The following RGS12 variants were observed in gnomAD, a reference collection of about 807,000 sequenced individuals.
RGS12 encodes regulator of G protein signaling 12.
A neutral mutation model predicts 120.1 loss-of-function variants in RGS12; 66 were observed. The observed-to-expected ratio is 0.55, with a 90% CI of 0.45 to 0.67. RGS12 has a LOEUF of 0.67. Ranked by LOEUF, RGS12 falls within the 30% of genes least tolerant of loss-of-function variation. RGS12 has a pLI of 0.00. For missense variants in RGS12, 1,859 were observed against 1,957.7 expected, an observed-to-expected ratio of 0.95 and a Z score of 0.95; for synonymous variants, 827 against 804.7, an observed-to-expected ratio of 1.03 and a Z score of -0.47.
chr4:3,429,048 C>G (rs1723970363), intron 16 of RGS12, among the ~76,000 whole-genome samples: 1 of 152,234 alleles, frequency 6.6e-6, no homozygotes, highest in Non-Finnish European at 1.5e-5. Context: ...GCCAGGGTCC[C>G]CAGCGTGACT....
chr4:3,398,367 A>G (rs1250944456), intron 4 of RGS12, among the ~76,000 whole-genome samples: 1 of 152,172 alleles, frequency 6.6e-6, no homozygotes, highest in Non-Finnish European at 1.5e-5. Context: ...CTATAATCCT[A>G]GCTGTGGATT....
intron 11 of RGS12, 59 bp downstream of exon 11, chr4:3,422,629 C>T (rs1260057178): frequency 1.3e-6 from 2 of 1,537,472 alleles, no homozygotes; most frequent in East Asian, 2.3e-5. Flanking sequence ...CGCTCCCTGG[C>T]CCCCAGCTTT....
chr4:3,405,425 G>A (rs1721003871), intron 4 of RGS12, among the ~76,000 whole-genome samples: 1 of 152,132 alleles, frequency 6.6e-6, no homozygotes, highest in Non-Finnish European at 1.5e-5. Flanking sequence ...CCAAACTGAG[G>A]GGCAGTCTTA....
Position 3,433,229 on chromosome 4 carries a change from C to T in RGS12, c.4114+2274C>T, listed in dbSNP as rs544478321. ...CGTTGACAGTTGCTGTGGGATGCTTCCTCACAATGTGGCAGCCGCCCTGGA... is the reference window on the plus strand; with the variant it reads ...CGTTGACAGTTGCTGTGGGATGCTTTCTCACAATGTGGCAGCCGCCCTGGA... On this transcript the variant is annotated intron_variant, in intron 17 of 17. Coordinates refer to ENST00000336727, the MANE Select transcript of RGS12 (RefSeq NM_001394154.1). The surrounding 1 kb of genome is among the most constrained non-coding windows in gnomAD (Gnocchi z 4.4). Among the ~76,000 whole-genome samples, 1 of 152,340 alleles carries T rather than the reference C, an allele frequency of 6.6e-6. No homozygotes were observed. The highest frequency in any genetic ancestry group is 6.5e-5 in the Admixed American group (1 of 15,312).
intron 17 of RGS12, chr4:3,432,233 T>A (rs1724377415): frequency 1.1e-6 from 1 of 907,552 alleles, no homozygotes; most frequent in South Asian, 5.1e-5. Flanking sequence ...TAGAAAATAA[T>A]AAAAGTATTT....
intron 3 of RGS12, among the ~76,000 whole-genome samples, chr4:3,371,252 C>T (rs1716952505): frequency 6.6e-6 from 1 of 152,192 alleles, no homozygotes; most frequent in South Asian, 2.1e-4. Flanking sequence ...GGGAGCAGCT[C>T]TGGTCTTCTT....
rs1442765264 is a variant in RGS12 at position 3,372,222 on chromosome 4, G to T, written c.1999-14194G>T. Reference sequence around the variant, plus strand: ...TGGTCTGTCTGCGCACCCCTCCCAGGGTGCCCTGCTGTGGGGTGGCCGCTC... The same window carrying T: ...TGGTCTGTCTGCGCACCCCTCCCAGTGTGCCCTGCTGTGGGGTGGCCGCTC... On this transcript the variant is annotated intron_variant, in intron 3 of 17. Coordinates refer to ENST00000336727, the MANE Select transcript of RGS12 (RefSeq NM_001394154.1). This position sits in a 1 kb window ranked among gnomAD's most constrained non-coding sequence, Gnocchi z 4.3. Among the ~76,000 whole-genome samples the T allele has an allele frequency of 6.6e-6, 1 of 152,094 alleles. No individual in the cohort carries two copies. The highest frequency in any genetic ancestry group is 1.9e-4 in the East Asian group (1 of 5,178).
intron 3 of RGS12, among the ~76,000 whole-genome samples, chr4:3,377,582 G>A (rs1000961348): frequency 6.6e-6 from 1 of 152,070 alleles, no homozygotes; most frequent in African/African-American, 2.4e-5. Context: ...AATAGAATTT[G>A]GAAATTATGT....
At chr4:3,297,749 C>G (rs1486711512) in intron 1 of RGS12, among the ~76,000 whole-genome samples, 1 of 152,204 alleles carries the variant, frequency 6.6e-6, no homozygotes, top group African/African-American at 2.4e-5. Context: ...GCCCTGGTCT[C>G]CAGGAGACCT....
chr4:3,416,432 C>T (rs913874395), intron 7 of RGS12, among the ~76,000 whole-genome samples: 2 of 152,172 alleles, frequency 1.3e-5, no homozygotes, highest in African/African-American at 4.8e-5. Flanking sequence ...GGGGATGGCG[C>T]ATCTGCGTTT....
At chr4:3,413,840 A>ACG in intron 4 of RGS12, 1 of 515,906 alleles carries the variant, frequency 1.9e-6, no homozygotes, top group East Asian at 2.9e-5. Context: ...GTGCTCGTGC[A>ACG]CACACATGTG....
chr4:3,329,141 G>A (rs1305609399), intron 2 of RGS12, among the ~76,000 whole-genome samples: 1 of 152,182 alleles, frequency 6.6e-6, no homozygotes, highest in Non-Finnish European at 1.5e-5. Flanking sequence ...TGTGAGAAAT[G>A]CCTGAGCTGT....
At chr4:3,383,102 G>A (rs1718437851) in intron 3 of RGS12, among the ~76,000 whole-genome samples, 2 of 152,040 alleles carry the variant, frequency 1.3e-5, no homozygotes, top group Non-Finnish European at 2.9e-5. Context: ...TTCCAGGAGT[G>A]TTGCACCTAG....
intron 4 of RGS12, among the ~76,000 whole-genome samples, chr4:3,411,919 C>T (rs1413261152): frequency 3.3e-5 from 5 of 152,370 alleles, no homozygotes; most frequent in African/African-American, 4.8e-5. Flanking sequence ...CCCCTTCCAC[C>T]GCAGCTCGGA....
intron 17 of RGS12, among the ~76,000 whole-genome samples, chr4:3,437,573 CTGTCCCCT>C (rs1724932438): frequency 6.6e-6 from 1 of 152,208 alleles, no homozygotes; most frequent in South Asian, 2.1e-4. Context: ...ATGGGCAGAA[CTGTCCCCT>C]TGTCCCCTGG....
chr4:3,311,951 T>C (rs531095480), intron 1 of RGS12, among the ~76,000 whole-genome samples: 1 of 152,306 alleles, frequency 6.6e-6, no homozygotes, highest in Admixed American at 6.5e-5. Context: ...GATGAATTAC[T>C]TCTGGCTGGA....
At chr4:3,292,535 A>C (rs941784943), upstream of RGS12, among the ~76,000 whole-genome samples, 5 of 152,198 alleles carry the variant, frequency 3.3e-5, no homozygotes, top group Admixed American at 3.3e-4. Context: ...GACTCCCCAC[A>C]GCCAGGTTTC....
intron 3 of RGS12, among the ~76,000 whole-genome samples, chr4:3,367,250 C>T (rs986817337): frequency 2.0e-5 from 3 of 152,272 alleles, no homozygotes; most frequent in Admixed American, 6.5e-5. Context: ...ACGGGGGCTT[C>T]GCCTTCTCTG....
upstream of RGS12, among the ~76,000 whole-genome samples, chr4:3,288,464 A>G (rs28652612): frequency 0.28 from 42,172 of 152,002 alleles, 6,973 homozygotes; most frequent in East Asian, 0.46. This position sits in a 1 kb window ranked among gnomAD's most constrained non-coding sequence, Gnocchi z 5.2. Context: ...TGGGGCCAGG[A>G]AAATACTCAC....
Sources: gnomAD v4.1 joint callset for allele counts (sites outside exome capture counted in the v4.1 genomes callset) on GRCh38, gnomAD v4.1.1 for gene constraint, Gnocchi (gnomAD v3.1) non-coding constraint, MANE v1.5 for transcripts, NCBI Gene and HGNC (gene_info 2026-07-23, HGNC 2026-07-21) for gene names.